The following CHRNB1 variants were observed in gnomAD, a reference collection of about 807,000 sequenced individuals.
The protein encoded by CHRNB1 is cholinergic receptor nicotinic beta 1 subunit.
In CHRNB1, 47 loss-of-function variants were observed where a neutral mutation model predicts 53.8. The ratio of observed to expected loss-of-function variants is 0.87; its 90% confidence interval spans 0.69 to 1.11. The LOEUF is 1.11. Ranked by LOEUF, CHRNB1 falls within the 50% of genes most tolerant of loss-of-function variation. CHRNB1 has a pLI of 0.00. For synonymous variants in CHRNB1, 259 were observed against 263.5 expected, an observed-to-expected ratio of 0.98 and a Z score of 0.16; for missense variants, 605 against 654.9, an observed-to-expected ratio of 0.92 and a Z score of 0.83.
At chr17:7,448,291 C>T (rs1908740159) in intron 6 of CHRNB1, among the ~76,000 whole-genome samples, 1 of 151,770 alleles carries the variant, frequency 6.6e-6, no homozygotes, top group South Asian at 2.1e-4. Context: ...GAGGCTGAGG[C>T]AGGAGAATCA....
Position 7,451,274 on chromosome 17 carries a change from C to CTT in CHRNB1, c.820+2505_820+2506dup, listed in dbSNP as rs34769424. ...AGGTTCTTTTCTTTTCTTTTCTTTTCTTTTTTTTTTTTTTTTTTTTGAGAC... is the reference window on the plus strand; with the variant it reads ...AGGTTCTTTTCTTTTCTTTTCTTTTCTTTTTTTTTTTTTTTTTTTTTTGAGAC... On this transcript the variant is annotated intron_variant, in intron 7 of 10. Transcript: ENST00000306071. Among the ~76,000 whole-genome samples, 256 of 92,016 alleles carry CTT rather than the reference C, an allele frequency of 2.8e-3. 2 individuals are homozygous for CTT. Among genetic ancestry groups the CTT allele is most frequent in the South Asian group, 9.1e-3 (24 of 2,638 alleles). 60.4% of individuals were successfully genotyped at this position (92,016 alleles called of 152,430 possible).
At chr17:7,451,274 CTTTTTTTTTTT>C (rs34769424) in intron 7 of CHRNB1, among the ~76,000 whole-genome samples, 4 of 92,026 alleles carry the variant, frequency 4.3e-5, no homozygotes, top group African/African-American at 1.9e-4. Flanking sequence ...CTTTTCTTTT[CTTTTTTTTTTT>C]TTTTTTTTTG....
In CHRNB1 at chr17:7,446,072, G is replaced by A. The variant is rs751032324; in HGVS notation, c.202G>A (p.Glu68Lys). The A allele has an allele frequency of 5.0e-6, 8 of 1,613,792 alleles. No homozygotes were observed. In the South Asian group the frequency reaches 5.5e-5, roughly 11 times the overall value. Reference sequence around the variant, plus strand: ...GCCTTAAATTTTTCCCTTCTAGAACGAGAAGGATGAAGAGATGAGCACAAA... The same window carrying A: ...GCCTTAAATTTTTCCCTTCTAGAACAAGAAGGATGAAGAGATGAGCACAAA... ...LILAQLISLNEKDEEMSTKVY... is the reference protein window; with the variant it reads ...LILAQLISLNKKDEEMSTKVY... Residue 68 changes from glutamate (E) to lysine (K), a missense_variant, in exon 3 of 11, where the codon GAG becomes AAG. Physicochemically the swap from Glu to Lys is moderately conservative, Grantham distance 56. Transcript: ENST00000306071.
rs764583560 is a variant in CHRNB1 at position 7,448,644 on chromosome 17, G to C, written c.676G>C (p.Gly226Arg). 3 of 1,614,124 alleles carry C rather than the reference G, an allele frequency of 1.9e-6. No individual in the cohort carries two copies. In the South Asian group the frequency reaches 3.3e-5, roughly 18 times the overall value. The change falls in exon 7 of 11, where the codon GGA becomes CGA. Residue 226 changes from glycine (G) to arginine (R), a missense_variant. By Grantham distance (125) the Gly-to-Arg change is moderately radical. Transcript: ENST00000306071. ...RLIQPPGDPRGGREGQRQEVI... is the reference protein window; with the variant it reads ...RLIQPPGDPRRGREGQRQEVI... ...AATCCAGCCTCCAGGCGATCCTAGG[G>C]GAGGGAGGGAAGGACAGCGCCAGGA...
chr17:7,446,303 T>TTGTGTGTG lies in CHRNB1; in HGVS notation c.243+206_243+213dup, dbSNP rs370471983. 3.8e-3 allele frequency: 1,824 copies of TTGTGTGTG among 477,716 alleles called. 197 individuals are homozygous for TTGTGTGTG. Among genetic ancestry groups the TTGTGTGTG allele is most frequent in the South Asian group, 6.8e-3 (309 of 45,616 alleles). 29.6% of individuals were successfully genotyped at this position (477,716 alleles called of 1,614,324 possible). ...ACCCCATGCATTTTTAATTCCAATT[T>TTGTGTGTG]TGTGTGTGTGTGTGTGTGTGTGTCT... On this transcript the variant is annotated intron_variant, in intron 3 of 10. Coordinates refer to ENST00000306071, the MANE Select transcript of CHRNB1 (RefSeq NM_000747.3).
intron 10 of CHRNB1, among the ~76,000 whole-genome samples, chr17:7,456,191 C>A (rs181434259): frequency 3.6e-4 from 55 of 151,314 alleles, no homozygotes; most frequent in Non-Finnish European, 6.9e-4. Context: ...GTAGCTGGGA[C>A]GACAGGGGCG....
Position 7,455,324 on chromosome 17 carries a change from G to C in CHRNB1, c.1085G>C (p.Arg362Thr), listed in dbSNP as rs533577653. Residue 362 changes from arginine to threonine, a missense_variant, in exon 9 of 11, where the codon AGG (arginine) becomes ACG (threonine). Physicochemically the swap from Arg to Thr is moderately conservative, Grantham distance 71 (BLOSUM62 -1). Transcript: ENST00000306071. ...HKLPLYLRLK[R>T]PKPERDLMPE... ...CTTCCGCTGTACCTGCGTCTAAAAA[G>C]GCCCAAACCCGAGAGAGACCTGATG... The C allele has an allele frequency of 6.2e-7, 1 of 1,614,098 alleles. No homozygotes were observed. Among genetic ancestry groups the C allele is most frequent in the African/African-American group, 1.3e-5 (1 of 75,014 alleles).
At chr17:7,448,074 CAAAAAAAAAAAAAA>C (rs71157286) in intron 6 of CHRNB1, among the ~76,000 whole-genome samples, 2 of 16,700 alleles carry the variant, frequency 1.2e-4, no homozygotes, top group East Asian at 5.7e-3. Flanking sequence ...AAGTTCGTCT[CAAAAAAAAAAAAAA>C]AAAAAAAAAA....
In CHRNB1 at chr17:7,449,013, C is replaced by T. The variant is rs188929304; in HGVS notation, c.820+225C>T. Among the ~76,000 whole-genome samples the T allele has an allele frequency of 7.2e-5, 11 of 152,210 alleles. 1 individual carries two copies. Among genetic ancestry groups the T allele is most frequent in the Admixed American group, 6.5e-4 (10 of 15,278 alleles). ...GCCTCTAATCCATAAAGCCTTTACT[C>T]CTCTGAACCACAAACCTCCAGGCTT... On this transcript the variant is annotated intron_variant, in intron 7 of 10. Transcript: ENST00000306071.
intron 8 of CHRNB1, 75 bp from the exon 9 acceptor site, chr17:7,455,209 G>A: frequency 3.2e-6 from 5 of 1,545,954 alleles, no homozygotes; most frequent in Non-Finnish European, 4.5e-6. Flanking sequence ...GGCATGTGGA[G>A]TGGGGTGGTT....
intron 7 of CHRNB1, among the ~76,000 whole-genome samples, chr17:7,451,252 T>G (rs921678534): frequency 7.6e-6 from 1 of 130,890 alleles, no homozygotes; most frequent in Non-Finnish European, 1.7e-5. Flanking sequence ...ATGTTTCAGG[T>G]TCTTTTCTTT....
rs145242880 is a variant in CHRNB1 at position 7,455,465 on chromosome 17, A to G, written c.1217+9A>G. On this transcript the variant is annotated intron_variant, in intron 9 of 10. Coordinates refer to ENST00000306071, the MANE Select transcript of CHRNB1 (RefSeq NM_000747.3). The stretch of plus-strand genomic sequence containing the variant: ...TTCCCCAAACCCAATAGGTAGGACT[A>G]CGCCCGTTACCCACATAAGAGGGAG... 5.8e-4 allele frequency: 943 copies of G among 1,613,962 alleles called. 7 individuals carry two copies. The South Asian group carries it at 6.9e-3, about 12-fold the overall frequency.
rs776528675 is a variant in CHRNB1, at chr17:7,455,353, G to A, written c.1114G>A (p.Glu372Lys). Residue 372 changes from glutamate to lysine, a missense_variant, in exon 9 of 11, where the codon GAG becomes AAG. By Grantham distance (56) the Glu-to-Lys change is moderately conservative (BLOSUM62 1). Transcript: ENST00000306071. ...CAAACCCGAGAGAGACCTGATGCCG[G>A]AGCCCCCTCACTGTTCTTCTCCAGG... Reference protein sequence around the residue: ...RPKPERDLMPEPPHCSSPGSG... With the variant: ...RPKPERDLMPKPPHCSSPGSG... The A allele has an allele frequency of 5.6e-6, 9 of 1,613,996 alleles. No individual in the cohort carries two copies. Among genetic ancestry groups the A allele is most frequent in the African/African-American group, 1.3e-5 (1 of 74,890 alleles).
At chr17:7,452,098 C>T (rs1398492162) in intron 7 of CHRNB1, among the ~76,000 whole-genome samples, 2 of 150,556 alleles carry the variant, frequency 1.3e-5, no homozygotes, top group Non-Finnish European at 2.9e-5. Context: ...GTCTGTCACC[C>T]AGGCTGGAGT....
chr17:7,456,347 C>G (rs376561852), intron 10 of CHRNB1, among the ~76,000 whole-genome samples: 6 of 152,140 alleles, frequency 3.9e-5, no homozygotes, highest in East Asian at 3.9e-4. Context: ...AGCCACCGCG[C>G]CCGGCCTCGC....
At chr17:7,448,911 C>A in intron 7 of CHRNB1, 123 bp downstream of exon 7, 1 of 1,035,496 alleles carries the variant, frequency 9.7e-7, no homozygotes, top group South Asian at 1.3e-5. Flanking sequence ...AGCAATCCCG[C>A]CCAGGCTCTG....
rs759978290 is a variant in CHRNB1, at chr17:7,455,828, C to T, written c.1252C>T (p.Arg418Ter). Residue 418 changes from arginine (R) to a stop codon, truncating the protein, a stop_gained, in exon 10 of 11, where the codon CGA becomes TGA. Transcript: ENST00000306071. LOFTEE classifies it high-confidence loss of function. ...TGAACTGTCTGCCCCTGATCTGCGGCGATTTATCGATGGTCCAAACCGGGC... is the reference window on the plus strand; with the variant it reads ...TGAACTGTCTGCCCCTGATCTGCGGTGATTTATCGATGGTCCAAACCGGGC... ...QPELSAPDLR[R>*]FIDGPNRAVA... 6.2e-7 allele frequency: 1 copy of T among 1,614,110 alleles called. No homozygotes were observed. Among genetic ancestry groups the T allele is most frequent in the East Asian group, 2.2e-5 (1 of 44,872 alleles).
Position 7,445,398 on chromosome 17 carries a change from C to T in CHRNB1, c.187C>T (p.Leu63Phe). ...RVSVGLILAQ[L>F]ISLNEKDEEM... ...CAGCGTTGGTCTCATCCTGGCGCAACTCATCAGCCTGGTGAGGGCGCGCGG... is the reference window on the plus strand; with the variant it reads ...CAGCGTTGGTCTCATCCTGGCGCAATTCATCAGCCTGGTGAGGGCGCGCGG... The change falls in exon 2 of 11, where the codon CTC becomes TTC. Residue 63 changes from leucine (L) to phenylalanine (F), a missense_variant. Leu to Phe is a conservative substitution (Grantham distance 22). Coordinates refer to ENST00000306071, the MANE Select transcript of CHRNB1 (RefSeq NM_000747.3). This position sits in a 1 kb window ranked among gnomAD's most constrained non-coding sequence, Gnocchi z 5.7. 1 of 1,611,964 alleles carries T rather than the reference C, an allele frequency of 6.2e-7. No individual in the cohort carries two copies. The highest frequency in any genetic ancestry group is 8.5e-7 in the Non-Finnish European group (1 of 1,179,622).
At chr17:7,455,527 A>G in intron 9 of CHRNB1, 71 bp downstream of exon 9, 1 of 1,585,936 alleles carries the variant, frequency 6.3e-7, no homozygotes, top group Non-Finnish European at 8.7e-7. Context: ...TGTGCGGAAG[A>G]AGCGGCCCAT....
Sources: allele counts gnomAD v4.1 joint callset (sites outside exome capture counted in the v4.1 genomes callset), GRCh38; gene constraint gnomAD v4.1.1; non-coding constraint Gnocchi (gnomAD v3.1); transcripts MANE v1.5; gene names NCBI Gene and HGNC (gene_info 2026-07-23, HGNC 2026-07-21).